Variants in RECQL5 observed in about 807,000 individuals in gnomAD.
The protein encoded by RECQL5 is RecQ like helicase 5.
A neutral mutation model predicts 103.4 loss-of-function variants in RECQL5; 88 were observed. The ratio of observed to expected loss-of-function variants is 0.85; its 90% CI spans 0.72 to 1.02. RECQL5 has a LOEUF of 1.02. RECQL5 is among the 50% of genes least tolerant of loss of function. The pLI is 0.00. For synonymous variants in RECQL5, 552 were observed against 507.9 expected (o/e 1.09, Z -1.17); for missense variants, 1,232 against 1,284.3 (o/e 0.96, Z 0.62).
At chr17:75,638,244 G>A (rs1050947064) in intron 8 of RECQL5, 1 of 152,182 alleles carries the variant, frequency 6.6e-6, no homozygotes, top group African/African-American at 2.4e-5. Flanking sequence ...AACACTTTGG[G>A]AGGCCGAGGG....
intron 7 of RECQL5, among the ~76,000 whole-genome samples, chr17:75,653,736 A>G (rs1380076262): frequency 6.6e-6 from 1 of 152,084 alleles, no homozygotes; most frequent in Non-Finnish European, 1.5e-5. Flanking sequence ...TGTCTCTACT[A>G]AAAATACAAA....
In RECQL5 at chr17:75,640,223, C is replaced by A. The variant is rs116652979; in HGVS notation, c.1230-8555G>T. On this transcript the variant is annotated intron_variant, in intron 8 of 19. Coordinates refer to ENST00000317905, the MANE Select transcript of RECQL5 (RefSeq NM_004259.7). This position sits in a 1 kb window ranked among gnomAD's most constrained non-coding sequence, Gnocchi z 4.6. ...CGGCATGGCTGCCACCGACTTCGTG[C>A]AGGAGATGCGCGCCGTGGGCGAGAG... 1,364 of 1,550,444 alleles carry A rather than the reference C, an allele frequency of 8.8e-4. 11 individuals carry two copies. In the African/African-American group the frequency reaches 0.015, roughly 17 times the overall value.
Position 75,628,762 on chromosome 17 carries a change from GC to G in RECQL5, c.2490-1del, listed in dbSNP as rs2059152175. ...TGCCCTGGTCTCTGGGCGGGCAGGT[GC>G]TGGTAGAGGGAAGAGCAGGCATCAC... is the stretch of plus-strand genomic sequence containing the variant. On this transcript the variant is annotated splice_acceptor_variant, in intron 16 of 19. Coordinates refer to ENST00000317905, the MANE Select transcript of RECQL5 (RefSeq NM_004259.7). LOFTEE classifies it high-confidence loss of function. 1 of 1,599,218 alleles carries G rather than the reference GC, an allele frequency of 6.3e-7. No homozygotes were observed. The highest frequency in any genetic ancestry group is 8.5e-7 in the Non-Finnish European group (1 of 1,176,532).
rs2059140868 is a variant in RECQL5 at position 75,628,303 on chromosome 17, G to A, written c.2720C>T (p.Ala907Val). The part of the protein sequence containing the change: ...PTAQDPFQLS[A>V]PGVSLKEAAN... The stretch of plus-strand genomic sequence containing the variant: ...AGCCTCCTTCAAGGAGACGCCAGGA[G>A]CGGAGAGCTGGAAGGGGTCTTGAGC... The change falls in exon 18 of 20, where the codon GCT (alanine) becomes GTT (valine). Residue 907 changes from alanine to valine, a missense_variant. Ala to Val is a moderately conservative substitution (Grantham distance 64, BLOSUM62 0). Transcript: ENST00000317905. 6.2e-7 allele frequency: 1 copy of A among 1,614,182 alleles called. No individual in the cohort carries two copies. The highest frequency in any genetic ancestry group is 8.5e-7 in the Non-Finnish European group (1 of 1,180,042).
intron 8 of RECQL5, chr17:75,635,724 G>T: frequency 1.1e-6 from 1 of 913,530 alleles, no homozygotes; most frequent in Non-Finnish European, 1.3e-6. Context: ...GCCCAACAGG[G>T]CAAGGGTGAC....
Position 75,640,234 on chromosome 17 carries a change from C to G in RECQL5, c.1230-8566G>C, listed in dbSNP as rs565139422. 6.4e-7 allele frequency: 1 copy of G among 1,551,032 alleles called. No individual in the cohort carries two copies. Among genetic ancestry groups the G allele is most frequent in the South Asian group, 1.2e-5 (1 of 84,028 alleles). On this transcript the variant is annotated intron_variant, in intron 8 of 19. Coordinates refer to ENST00000317905, the MANE Select transcript of RECQL5 (RefSeq NM_004259.7). This position sits in a 1 kb window ranked among gnomAD's most constrained non-coding sequence, Gnocchi z 4.6. ...CCACCGACTTCGTGCAGGAGATGCG[C>G]GCCGTGGGCGAGAGGCTGCTGCTCA...
At chr17:75,652,222 A>G (rs1316560989) in intron 7 of RECQL5, among the ~76,000 whole-genome samples, 1 of 152,060 alleles carries the variant, frequency 6.6e-6, no homozygotes, top group Non-Finnish European at 1.5e-5. Context: ...GCAAGACTCC[A>G]TCTCAAATAA....
intron 3 of RECQL5, among the ~76,000 whole-genome samples, chr17:75,664,398 T>C (rs2059739727): frequency 6.6e-6 from 1 of 152,190 alleles, no homozygotes; most frequent in African/African-American, 2.4e-5. Context: ...GCAACTTCTG[T>C]CTCAACATCA....
chr17:75,645,885 CT>C (rs1361257362), intron 8 of RECQL5, among the ~76,000 whole-genome samples: 1 of 152,168 alleles, frequency 6.6e-6, no homozygotes, highest in Non-Finnish European at 1.5e-5. Flanking sequence ...GCTCCTAGAT[CT>C]TTACCAGCTG....
chr17:75,627,470 C>T lies in RECQL5; in HGVS notation c.2928G>A (p.Arg976=), dbSNP rs755437364. Residue 976 remains arginine (R), a synonymous_variant, in exon 20 of 20, where the codon CGG becomes CGA. Transcript: ENST00000317905. ...LIRHFFHGRA[R]CESEADWHGL... ...CATGCCAGTCAGCTTCGCTCTCGCA[C>T]CGGGCCCGGCCATGGAAGAAGTGCC... is the stretch of plus-strand genomic sequence containing the variant. 3 of 1,613,792 alleles carry T rather than the reference C, an allele frequency of 1.9e-6. No homozygotes were observed. The highest frequency in any genetic ancestry group is 2.5e-6 in the Non-Finnish European group (3 of 1,180,036).
chr17:75,653,616 A>G (rs1380244176), intron 7 of RECQL5, among the ~76,000 whole-genome samples: 2 of 152,190 alleles, frequency 1.3e-5, no homozygotes, highest in East Asian at 3.9e-4. Flanking sequence ...GGAAAAAAAG[A>G]GCCCGGGCAT....
At chr17:75,645,586 G>A (rs773678180) in intron 8 of RECQL5, among the ~76,000 whole-genome samples, 5 of 152,204 alleles carry the variant, frequency 3.3e-5, no homozygotes, top group Non-Finnish European at 5.9e-5. Context: ...CTTAACTGAC[G>A]GAGCTGCACG....
In RECQL5 at chr17:75,627,611, G is replaced by A. The variant is rs1161590940; in HGVS notation, c.2875+12C>T. On this transcript the variant is annotated intron_variant, in intron 19 of 19. Coordinates refer to ENST00000317905, the MANE Select transcript of RECQL5 (RefSeq NM_004259.7). ...CCAAGTGCCTCCTGGCCCTGGCAATGCCAGCGCTCACCGCTCCTTCCAGGA... is the reference window on the plus strand; with the variant it reads ...CCAAGTGCCTCCTGGCCCTGGCAATACCAGCGCTCACCGCTCCTTCCAGGA... 2 of 1,613,480 alleles carry A rather than the reference G, an allele frequency of 1.2e-6. No individual in the cohort carries two copies. The highest frequency in any genetic ancestry group is 1.3e-5 in the African/African-American group (1 of 74,926).
chr17:75,628,992 C>G lies in RECQL5; in HGVS notation c.2431G>C (p.Ala811Pro). ...GGAGGGGCAGGCGAATGTCCCCCGG[C>G]TCCATCTTCCTCCCCTGTGTACTTC... is the stretch of plus-strand genomic sequence containing the variant. The part of the protein sequence containing the change: ...PEKYTGEEDG[A>P]GGHSPAPPQT... The change falls in exon 16 of 20, where the codon GCC becomes CCC. Residue 811 changes from alanine (A) to proline (P), a missense_variant. Coordinates refer to ENST00000317905, the MANE Select transcript of RECQL5 (RefSeq NM_004259.7). The G allele has an allele frequency of 1.3e-6, 2 of 1,562,164 alleles. No homozygotes were observed. Among genetic ancestry groups the G allele is most frequent in the Non-Finnish European group, 1.7e-6 (2 of 1,157,090 alleles).
In RECQL5 at chr17:75,635,627, C is replaced by T. The variant is rs1320431546; in HGVS notation, c.1230-3959G>A. Among the ~76,000 whole-genome samples the T allele has an allele frequency of 6.6e-5, 10 of 152,290 alleles. No homozygotes were observed. The East Asian group carries it at 1.9e-3, about 29-fold the overall frequency. The stretch of plus-strand genomic sequence containing the variant: ...GCTCAGTGCCACAAATAGGGGCATC[C>T]CCCCCGGCTGCTCAGGCACAGGACC... On this transcript the variant is annotated intron_variant, in intron 8 of 19. Coordinates refer to ENST00000317905, the MANE Select transcript of RECQL5 (RefSeq NM_004259.7).
In RECQL5 at chr17:75,626,937, G is replaced by A; in HGVS notation, c.*485C>T. 1 of 353,986 alleles carries A rather than the reference G, an allele frequency of 2.8e-6. No individual in the cohort carries two copies. Among genetic ancestry groups the A allele is most frequent in the South Asian group, 2.2e-5 (1 of 45,228 alleles). The allele number at this position is 353,986 out of a possible 1,614,324, so 21.9% of individuals were successfully genotyped here. On this transcript the variant is annotated 3_prime_UTR_variant, in exon 20 of 20. Coordinates refer to ENST00000317905, the MANE Select transcript of RECQL5 (RefSeq NM_004259.7). ...TCAGGCCTGGCCTTCCTGAGCAGGA[G>A]CTGAGCAGGAACAGGGCCTGGCTGC...
chr17:75,633,603 T>C (rs2059263036), intron 8 of RECQL5: 3 of 1,214,988 alleles, frequency 2.5e-6, no homozygotes, highest in Non-Finnish European at 3.2e-6. Context: ...CCTGCTCAGC[T>C]TGAGAGGGCC....
At chr17:75,648,194 G>A (rs2059511510) in intron 8 of RECQL5, among the ~76,000 whole-genome samples, 1 of 151,986 alleles carries the variant, frequency 6.6e-6, no homozygotes, top group African/African-American at 2.4e-5. Context: ...TCATTGACCG[G>A]GATGCTCTCC....
intron 8 of RECQL5, among the ~76,000 whole-genome samples, chr17:75,632,959 C>T (rs551589385): frequency 1.6e-4 from 24 of 152,224 alleles, no homozygotes; most frequent in Non-Finnish European, 3.1e-4. Flanking sequence ...GGGCTGCGAC[C>T]CCAAGGCGCA....
Sources: gnomAD v4.1 joint callset for allele counts (sites outside exome capture counted in the v4.1 genomes callset) on GRCh38, gnomAD v4.1.1 for gene constraint, Gnocchi (gnomAD v3.1) non-coding constraint, MANE v1.5 for transcripts, NCBI Gene and HGNC (gene_info 2026-07-23, HGNC 2026-07-21) for gene names.